Variants in PIBF1 observed in about 807,000 individuals in gnomAD.
PIBF1 encodes the protein progesterone immunomodulatory binding factor 1, also known as progesterone-induced-blocking factor 1.
PIBF1 carries 90 observed loss-of-function variants against 112.5 expected under a neutral mutation model. The observed-to-expected ratio is 0.80, with a 90% CI of 0.67 to 0.95. PIBF1 has a LOEUF of 0.95. Ranked by LOEUF, PIBF1 falls within the 40% of genes least tolerant of loss-of-function variation. PIBF1 has a pLI of 0.00. For synonymous variants in PIBF1, 301 were observed against 288.6 expected, an observed-to-expected ratio of 1.04 and a Z score of -0.44; for missense variants, 915 against 852.3, an observed-to-expected ratio of 1.07 and a Z score of -0.92.
At chr13:72,874,036 A>T (rs1197140545) in intron 10 of PIBF1, among the ~76,000 whole-genome samples, 1 of 152,206 alleles carries the variant, frequency 6.6e-6, no homozygotes, top group African/African-American at 2.4e-5. Context: ...AATTATACCA[A>T]AATTCATTAC....
At chr13:72,961,050 T>C (rs1487874223) in intron 14 of PIBF1, among the ~76,000 whole-genome samples, 5 of 122,380 alleles carry the variant, frequency 4.1e-5, no homozygotes, top group Non-Finnish European at 6.0e-5. Context: ...TTTTTTTTAA[T>C]TTTTTTTTGA....
chr13:72,847,485 T>A (rs1234765261), intron 9 of PIBF1, among the ~76,000 whole-genome samples: 2 of 152,202 alleles, frequency 1.3e-5, no homozygotes, highest in African/African-American at 4.8e-5. Flanking sequence ...ACTCACCCTT[T>A]TATAATGGCA....
At chr13:72,998,231 G>A (rs2043742664) in intron 16 of PIBF1, among the ~76,000 whole-genome samples, 1 of 152,198 alleles carries the variant, frequency 6.6e-6, no homozygotes, top group Admixed American at 6.5e-5. Context: ...TATATGTGGA[G>A]CATCTACAGT....
In PIBF1 at chr13:72,854,074, G is replaced by A. The variant is rs2038298898; in HGVS notation, c.1241G>A (p.Arg414Lys). Reference protein sequence around the residue: ...ERENRNLREARDNAVAEKERA... With the variant: ...ERENRNLREAKDNAVAEKERA... ...AAATTTAGAAATCTCCGAGAAGCAA[G>A]GGATAATGCTGTGGCTGAAAAGGAA... The change falls in exon 10 of 18, where the codon AGG becomes AAG. Residue 414 changes from arginine to lysine, a missense_variant. Coordinates refer to ENST00000326291, the MANE Select transcript of PIBF1 (RefSeq NM_006346.4). 3.7e-6 allele frequency: 6 copies of A among 1,611,366 alleles called. No individual in the cohort carries two copies. The highest frequency in any genetic ancestry group is 5.1e-6 in the Non-Finnish European group (6 of 1,177,834).
chr13:72,888,908 T>C (rs2039957274), intron 10 of PIBF1, among the ~76,000 whole-genome samples: 1 of 152,048 alleles, frequency 6.6e-6, no homozygotes, highest in South Asian at 2.1e-4. Context: ...AGAGTAGTGA[T>C]AGAGGTCTGG....
chr13:72,985,979 C>A (rs1228953758), intron 16 of PIBF1, among the ~76,000 whole-genome samples: 1 of 151,806 alleles, frequency 6.6e-6, no homozygotes, highest in Non-Finnish European at 1.5e-5. Flanking sequence ...AATGAGACTC[C>A]ATCTCTAGAA....
At chr13:72,953,474 C>T (rs1173573665) in intron 14 of PIBF1, among the ~76,000 whole-genome samples, 1 of 152,140 alleles carries the variant, frequency 6.6e-6, no homozygotes, top group Non-Finnish European at 1.5e-5. Flanking sequence ...AGAATATCCG[C>T]CAAGGATCCA....
intron 15 of PIBF1, among the ~76,000 whole-genome samples, chr13:72,966,665 T>C (rs1566498846): frequency 1.3e-5 from 2 of 152,086 alleles, no homozygotes; most frequent in Admixed American, 6.5e-5. Flanking sequence ...TCCCAGCACT[T>C]TGGGAGGCTG....
Position 72,826,942 on chromosome 13 carries a change from C to T in PIBF1, c.807-68C>T, listed in dbSNP as rs1264879659. The T allele has an allele frequency of 3.7e-6, 3 of 816,850 alleles. No homozygotes were observed. In the Admixed American group the frequency reaches 8.2e-5, roughly 22 times the overall value. 50.6% of individuals were successfully genotyped at this position (816,850 alleles called of 1,614,324 possible). The stretch of plus-strand genomic sequence containing the variant: ...TTCAGCGTCCTAATACATAGTCAAC[C>T]CTTTTAAAGTGTACGCTGTACAAGG... On this transcript the variant is annotated intron_variant, in intron 6 of 17. Coordinates refer to ENST00000326291, the MANE Select transcript of PIBF1 (RefSeq NM_006346.4).
intron 16 of PIBF1, among the ~76,000 whole-genome samples, chr13:72,990,439 T>C (rs1207124874): frequency 2.7e-5 from 4 of 149,714 alleles, no homozygotes; most frequent in African/African-American, 9.8e-5. Flanking sequence ...GAGAATCGCT[T>C]GAACTTGGGA....
chr13:72,926,569 A>G (rs1042194373), intron 13 of PIBF1, among the ~76,000 whole-genome samples: 1 of 152,206 alleles, frequency 6.6e-6, no homozygotes, highest in East Asian at 1.9e-4. Context: ...TGCGGGCCAG[A>G]TCGTGTTATG....
rs181642442 is a variant in PIBF1 at position 72,858,039 on chromosome 13, G to A, written c.1322+3884G>A. Among the ~76,000 whole-genome samples, 1,314 of 151,458 alleles carry A rather than the reference G, an allele frequency of 8.7e-3. 66 individuals are homozygous for A. Among genetic ancestry groups the A allele is most frequent in the East Asian group, 9.2e-3 (47 of 5,116 alleles). On this transcript the variant is annotated intron_variant, in intron 10 of 17. Transcript: ENST00000326291. ...AAATGTACATTGTGTGTGTGTGTGTGTGTGTGTGTGTGTGTGTGTATGTAT... is the reference window on the plus strand; with the variant it reads ...AAATGTACATTGTGTGTGTGTGTGTATGTGTGTGTGTGTGTGTGTATGTAT...
At chr13:72,954,667 G>A (rs1425954672) in intron 14 of PIBF1, among the ~76,000 whole-genome samples, 2 of 152,216 alleles carry the variant, frequency 1.3e-5, no homozygotes, top group Non-Finnish European at 2.9e-5. Context: ...GTGGGAGTGT[G>A]TGTTCTGGTG....
At position 72,817,268 on chromosome 13, in the gene PIBF1, A is replaced by G. The variant is rs116853641; in HGVS notation, c.673-4581A>G. Among the ~76,000 whole-genome samples the G allele has an allele frequency of 8.7e-3, 1,327 of 152,300 alleles. 68 individuals are homozygous for G. Among genetic ancestry groups the G allele is most frequent in the East Asian group, 9.3e-3 (48 of 5,176 alleles). On this transcript the variant is annotated intron_variant, in intron 5 of 17. Coordinates refer to ENST00000326291, the MANE Select transcript of PIBF1 (RefSeq NM_006346.4). ...CTCAGTTTACATCATGGGAGAGACA[A>G]AAGACTTAAATGGAGTTTAGAAATT...
chr13:72,855,728 A>T (rs1356515161), intron 10 of PIBF1, among the ~76,000 whole-genome samples: 1 of 152,136 alleles, frequency 6.6e-6, no homozygotes, highest in Admixed American at 6.5e-5. Context: ...AGCTCCTTTC[A>T]TTAGAGTTCC....
At chr13:72,927,945 GTATA>G (rs774258929) in intron 13 of PIBF1, among the ~76,000 whole-genome samples, 3 of 87,854 alleles carry the variant, frequency 3.4e-5, no homozygotes, top group Non-Finnish European at 4.2e-5. Flanking sequence ...ATATATGTGT[GTATA>G]TATATATATA....
chr13:72,909,507 T>G (rs2138661044), intron 12 of PIBF1, among the ~76,000 whole-genome samples: 1 of 151,950 alleles, frequency 6.6e-6, no homozygotes, highest in South Asian at 2.1e-4. Context: ...CTTTTTTTTT[T>G]TTTTGAGACG....
chr13:72,879,685 C>T (rs1334160593), intron 10 of PIBF1, among the ~76,000 whole-genome samples: 1 of 152,202 alleles, frequency 6.6e-6, no homozygotes, highest in Non-Finnish European at 1.5e-5. Context: ...TCTCTTAATT[C>T]AAGTCAGAGG....
intron 8 of PIBF1, among the ~76,000 whole-genome samples, chr13:72,832,462 T>G (rs1478831522): frequency 6.6e-6 from 1 of 152,186 alleles, no homozygotes; most frequent in Non-Finnish European, 1.5e-5. Flanking sequence ...GCAGGCCTGT[T>G]GGTGACAAAA....
Sources: gnomAD v4.1 joint callset for allele counts (sites outside exome capture counted in the v4.1 genomes callset) on GRCh38, gnomAD v4.1.1 for gene constraint, MANE v1.5 for transcripts, NCBI Gene and HGNC (gene_info 2026-07-23, HGNC 2026-07-21) for gene names.